PGPEP1L: variants seen among roughly 807,000 people sequenced by gnomAD.
PGPEP1L encodes the protein pyroglutamyl-peptidase 1-like protein.
Under a neutral mutation model 6.0 loss-of-function variants are expected in PGPEP1L, and 7 were observed. The observed-to-expected ratio is 1.17, with a 90% CI of 0.66 to 2.19. PGPEP1L has a LOEUF of 2.19. Ranked by LOEUF, PGPEP1L falls within the 30% of genes most tolerant of loss-of-function variation. PGPEP1L has a pLI of 0.00. For missense variants in PGPEP1L, 209 were observed against 192.5 expected, an observed-to-expected ratio of 1.09 and a Z score of -0.51; for synonymous variants, 103 against 83.9, an observed-to-expected ratio of 1.23 and a Z score of -1.24.
At chr15:99,004,195 G>C (rs1316299415) in intron 2 of PGPEP1L, among the ~76,000 whole-genome samples, 23 of 150,308 alleles carry the variant, frequency 1.5e-4, no homozygotes, top group Admixed American at 1.5e-3. Flanking sequence ...TTCAGCCCGG[G>C]AGTTAGAGAC....
intron 2 of PGPEP1L, among the ~76,000 whole-genome samples, chr15:98,980,130 A>G (rs932638625): frequency 2.0e-5 from 3 of 152,176 alleles, no homozygotes; most frequent in African/African-American, 7.2e-5. Flanking sequence ...AATCACCACT[A>G]AAGAACTTAC....
intron 2 of PGPEP1L, among the ~76,000 whole-genome samples, chr15:98,984,844 G>T (rs1179914931): frequency 6.6e-6 from 1 of 152,086 alleles, no homozygotes; most frequent in Non-Finnish European, 1.5e-5. Flanking sequence ...CCACCAAGAA[G>T]GGGAAAATGA....
At chr15:99,001,742 G>A (rs565704176) in intron 2 of PGPEP1L, among the ~76,000 whole-genome samples, 1 of 152,042 alleles carries the variant, frequency 6.6e-6, no homozygotes, top group Non-Finnish European at 1.5e-5. Flanking sequence ...TTTTGAGACA[G>A]AGTCTCACCC....
intron 1 of PGPEP1L, among the ~76,000 whole-genome samples, chr15:99,007,046 A>G (rs1170148751): frequency 2.0e-5 from 3 of 151,946 alleles, no homozygotes; most frequent in African/African-American, 7.3e-5. Flanking sequence ...AATTGGGATC[A>G]CCCCCGCGGA....
intron 2 of PGPEP1L, among the ~76,000 whole-genome samples, chr15:98,986,035 G>C (rs894674844): frequency 1.3e-5 from 2 of 152,212 alleles, no homozygotes; most frequent in South Asian, 4.1e-4. Context: ...GCAGCATGCA[G>C]CTCTTCTTAG....
At chr15:98,977,833 C>T (rs1432098954) in intron 2 of PGPEP1L, among the ~76,000 whole-genome samples, 1 of 152,188 alleles carries the variant, frequency 6.6e-6, no homozygotes, top group Non-Finnish European at 1.5e-5. Context: ...TTTTGCTGCA[C>T]GTATTTTACA....
chr15:98,973,996 A>T (rs997893519), intron 2 of PGPEP1L, among the ~76,000 whole-genome samples: 1 of 152,258 alleles, frequency 6.6e-6, no homozygotes, highest in East Asian at 1.9e-4. Flanking sequence ...AAAATTTGAT[A>T]TGAAAAAGGA....
At chr15:98,986,376 T>C (rs1282608119) in intron 2 of PGPEP1L, among the ~76,000 whole-genome samples, 3 of 152,234 alleles carry the variant, frequency 2.0e-5, no homozygotes, top group Non-Finnish European at 2.9e-5. Flanking sequence ...TGACCATTGA[T>C]GTAATCAGTC....
At chr15:98,972,831 C>T (rs868736576) in intron 2 of PGPEP1L, among the ~76,000 whole-genome samples, 4 of 132,864 alleles carry the variant, frequency 3.0e-5, no homozygotes, top group Middle Eastern at 4.2e-3. Context: ...AGACCGTGCA[C>T]CACTGCACTC....
chr15:99,007,236 AG>A (rs2018087024), intron 1 of PGPEP1L, 122 bp downstream of exon 1: 3 of 149,654 alleles, frequency 2.0e-5, no homozygotes, highest in Admixed American at 6.7e-5. Context: ...TGGGATGCAG[AG>A]GATTTTTGTA....
intron 2 of PGPEP1L, among the ~76,000 whole-genome samples, chr15:99,003,118 C>T (rs1451902700): frequency 6.6e-6 from 1 of 150,708 alleles, no homozygotes; most frequent in South Asian, 2.1e-4. Context: ...TCTGATTCAA[C>T]CAAATCCTTC....
At chr15:98,995,199 C>T (rs145032262) in intron 2 of PGPEP1L, among the ~76,000 whole-genome samples, 6 of 152,278 alleles carry the variant, frequency 3.9e-5, no homozygotes, top group Admixed American at 6.5e-5. Flanking sequence ...CACATTTTAT[C>T]GTCCACATTT....
chr15:98,988,559 C>T (rs529562877), intron 2 of PGPEP1L, among the ~76,000 whole-genome samples: 2 of 152,286 alleles, frequency 1.3e-5, no homozygotes, highest in African/African-American at 4.8e-5. Context: ...CAGCTGTGGG[C>T]GCAGCTTCAG....
intron 2 of PGPEP1L, among the ~76,000 whole-genome samples, chr15:98,984,982 C>A (rs2017725897): frequency 6.8e-6 from 1 of 147,140 alleles, no homozygotes; most frequent in Non-Finnish European, 1.5e-5. Context: ...GGTAGTGCTC[C>A]TTGCGGGTCC....
chr15:98,993,888 T>C (rs1316158877), intron 2 of PGPEP1L, among the ~76,000 whole-genome samples: 2 of 151,958 alleles, frequency 1.3e-5, no homozygotes, highest in African/African-American at 4.8e-5. Flanking sequence ...AAAAAGTTAC[T>C]CTTGAAATTT....
At chr15:98,981,370 G>A (rs905410276) in intron 2 of PGPEP1L, among the ~76,000 whole-genome samples, 1 of 151,626 alleles carries the variant, frequency 6.6e-6, no homozygotes, top group Non-Finnish European at 1.5e-5. Flanking sequence ...GGCGCCTGTA[G>A]TCCCAGCTAC....
Position 98,987,003 on chromosome 15 carries a change from CTAA to C in PGPEP1L, c.-141-15848_-141-15846del, listed in dbSNP as rs1269365541. Among the ~76,000 whole-genome samples, 78 of 151,484 alleles carry C rather than the reference CTAA, an allele frequency of 5.1e-4. 2 individuals are homozygous for C. The highest frequency in any genetic ancestry group is 4.0e-3 in the Admixed American group (60 of 15,174). Reference sequence around the variant, plus strand: ...CCAATATGATGAAACCTCGTTTCTACTAATAATAGAAAAATTAGCTGGGTGTGG... The same window carrying C: ...CCAATATGATGAAACCTCGTTTCTACTAATAGAAAAATTAGCTGGGTGTGG... On this transcript the variant is annotated intron_variant, in intron 2 of 4. Transcript: ENST00000535714.
chr15:99,001,723 T>A (rs1191495927), intron 2 of PGPEP1L, among the ~76,000 whole-genome samples: 1 of 152,144 alleles, frequency 6.6e-6, no homozygotes, highest in African/African-American at 2.4e-5. Context: ...TTATTTTTGC[T>A]TGTTTGCTTT....
chr15:98,982,937 C>T (rs1387393282), intron 2 of PGPEP1L, among the ~76,000 whole-genome samples: 1 of 151,942 alleles, frequency 6.6e-6, no homozygotes, highest in Non-Finnish European at 1.5e-5. Context: ...TCTCAAACTC[C>T]TGGCCTCAAG....
Sources: allele counts gnomAD v4.1 joint callset (sites outside exome capture counted in the v4.1 genomes callset), GRCh38; gene constraint gnomAD v4.1.1; transcripts MANE v1.5; gene names NCBI Gene and HGNC (gene_info 2026-07-23, HGNC 2026-07-21).